Variants in TG observed in about 807,000 individuals in gnomAD.
The protein encoded by TG is thyroglobulin, also known as thyroid hormones.
TG carries 270 observed loss-of-function variants against 324.7 expected under a neutral mutation model. That is an observed-to-expected ratio of 0.83 (90% confidence interval 0.75 to 0.92). The LOEUF (loss-of-function observed/expected upper bound fraction) is 0.92, where lower values mean the gene tolerates loss of function less well. TG is among the 40% of genes least tolerant of loss of function. The probability of loss-of-function intolerance (pLI) is 0.00; values close to 1 mark genes in which losing one functional copy is unlikely to be tolerated. For missense variants in TG, 3,591 were observed against 3,456.4 expected (o/e 1.04, Z -0.98); for synonymous variants, 1,401 against 1,327.0 (o/e 1.06, Z -1.21).
chr8:132,881,842 G>A (rs778889026), intron 5 of TG, 21 bp from the exon 6 acceptor site: 44 of 1,554,452 alleles, frequency 2.8e-5, no homozygotes, highest in Non-Finnish European at 3.4e-5. Flanking sequence ...AATGGTGACC[G>A]TAAATCTCAT....
rs546509895 is a variant in TG, at chr8:132,912,448, C to T, written c.4160-599C>T. Among the ~76,000 whole-genome samples the T allele has an allele frequency of 4.1e-3, 618 of 152,190 alleles. 1 individual carries two copies. Among genetic ancestry groups the T allele is most frequent in the Non-Finnish European group, 6.7e-3 (453 of 68,020 alleles). ...ACAGCCAAAATGTTTGCTATGTGCA[C>T]GGATCTGCCCCAGCTCCTGGCATGG... On this transcript the variant is annotated intron_variant, in intron 19 of 47. Transcript: ENST00000220616.
intron 43 of TG, among the ~76,000 whole-genome samples, chr8:133,111,724 C>T (rs1237183318): frequency 6.6e-6 from 1 of 151,256 alleles, no homozygotes; most frequent in Non-Finnish European, 1.5e-5. Flanking sequence ...TATAAGATAA[C>T]TTTCTTACAT....
chr8:133,022,557 C>T (rs940542429), intron 40 of TG, among the ~76,000 whole-genome samples: 1 of 152,134 alleles, frequency 6.6e-6, no homozygotes, highest in Non-Finnish European at 1.5e-5. Context: ...GCTCTTCTGC[C>T]CACAGGGAAG....
intron 46 of TG, 125 bp from the exon 47 acceptor site, chr8:133,133,345 C>A: frequency 2.0e-6 from 2 of 991,066 alleles, no homozygotes; most frequent in Non-Finnish European, 3.2e-6. Context: ...AGTTCACATG[C>A]AGCCTTGACA....
Position 133,032,345 on chromosome 8 carries a change from C to T in TG, c.7239+2322C>T, listed in dbSNP as rs925785984. Reference sequence around the variant, plus strand: ...CTGGTGTTGAAAACAAACTATCCTGCGTTGAATTGATCCTGGAGAGATTTC... The same window carrying T: ...CTGGTGTTGAAAACAAACTATCCTGTGTTGAATTGATCCTGGAGAGATTTC... On this transcript the variant is annotated intron_variant, in intron 41 of 47. Transcript: ENST00000220616. 7.2e-5 allele frequency among the ~76,000 whole-genome samples: 11 copies of T among 152,178 alleles called. 1 individual carries two copies. Among genetic ancestry groups the T allele is most frequent in the East Asian group, 1.9e-4 (1 of 5,192 alleles).
rs2076739 is a variant in TG, at chr8:132,971,804, T to A, written c.5986T>A (p.Cys1996Ser). ...CTCTTCCTATGCCAGGTTCTTTGAA[T>A]GTGAACGACGGTGCGATGCGGACCC... ...EKSISNGFFE[C>S]ERRCDADPCC... The change falls in exon 33 of 48, where the codon TGT becomes AGT. Residue 1996 changes from cysteine to serine, a missense_variant. Cys to Ser is a moderately radical substitution (Grantham distance 112). Coordinates refer to ENST00000220616, the MANE Select transcript of TG (RefSeq NM_003235.5). The A allele has an allele frequency of 6.2e-7, 1 of 1,613,344 alleles. No homozygotes were observed. Among genetic ancestry groups the A allele is most frequent in the East Asian group, 2.2e-5 (1 of 44,872 alleles).
intron 40 of TG, among the ~76,000 whole-genome samples, chr8:133,028,564 G>T (rs947473533): frequency 6.6e-6 from 1 of 152,218 alleles, no homozygotes; most frequent in Non-Finnish European, 1.5e-5. Context: ...GACAAGCACG[G>T]TTCTGTTCCC....
At chr8:133,002,019 T>C in intron 35 of TG, 2 of 985,480 alleles carry the variant, frequency 2.0e-6, no homozygotes, top group Non-Finnish European at 2.4e-6. Context: ...CACTGTTTAT[T>C]TTTGATGAGT....
chr8:132,918,429 C>T (rs853307), intron 20 of TG, among the ~76,000 whole-genome samples: 62,440 of 152,014 alleles, frequency 0.41, 15,690 homozygotes, highest in Admixed American at 0.54. Context: ...ACTCCACTCT[C>T]GGAGGGAGGA....
Position 132,969,409 on chromosome 8 carries a change from G to A in TG, c.5864-49G>A, listed in dbSNP as rs558539736. 11 of 1,307,722 alleles carry A rather than the reference G, an allele frequency of 8.4e-6. 1 individual carries two copies. In the South Asian group the frequency reaches 1.3e-4, roughly 15 times the overall value. The allele number at this position is 1,307,722 out of a possible 1,614,324, so 81.0% of individuals were successfully genotyped here. A position where few individuals can be genotyped will look rare whatever the true frequency, so the allele number is the denominator to read the frequency against. On this transcript the variant is annotated intron_variant, in intron 31 of 47. Transcript: ENST00000220616. ...TACTCATTTGTCCTCATATTTTCAT[G>A]ACTACAGCAAATCTCTAAGTAATGT...
chr8:133,014,460 C>T (rs62515973), intron 37 of TG, among the ~76,000 whole-genome samples: 3 of 152,196 alleles, frequency 2.0e-5, no homozygotes, highest in African/African-American at 7.2e-5. Context: ...TCCCCTCCCC[C>T]ACTAGACATA....
At chr8:132,992,607 T>TG (rs1161033964) in intron 35 of TG, among the ~76,000 whole-genome samples, 6 of 152,194 alleles carry the variant, frequency 3.9e-5, no homozygotes, top group African/African-American at 1.4e-4. Context: ...ATATAGACAC[T>TG]GTGGAGGGTG....
intron 27 of TG, among the ~76,000 whole-genome samples, chr8:132,957,907 A>T (rs141849637): frequency 1.4e-4 from 21 of 152,158 alleles, no homozygotes; most frequent in African/African-American, 5.1e-4. Context: ...TGTCCACTGC[A>T]CCCTATTTGT....
intron 18 of TG, among the ~76,000 whole-genome samples, chr8:132,910,781 G>A (rs1253034584): frequency 6.6e-6 from 1 of 152,174 alleles, no homozygotes; most frequent in Non-Finnish European, 1.5e-5. Flanking sequence ...TCATCCAAAT[G>A]CACTAAGACA....
In TG at chr8:133,041,938, C is replaced by A. The variant is rs901096806; in HGVS notation, c.7239+11915C>A. On this transcript the variant is annotated intron_variant, in intron 41 of 47. Coordinates refer to ENST00000220616, the MANE Select transcript of TG (RefSeq NM_003235.5). ...GAGTAGCTGGGATTACAGTTGCATG[C>A]CACCACACCTGGCTAATTTTTTGTA... 2.0e-5 allele frequency among the ~76,000 whole-genome samples: 3 copies of A among 151,934 alleles called. No homozygotes were observed. The East Asian group carries it at 5.8e-4, about 29-fold the overall frequency.
At chr8:133,021,928 G>T (rs1455301834) in intron 39 of TG, 63 bp from the exon 40 acceptor site, 4 of 1,605,900 alleles carry the variant, frequency 2.5e-6, no homozygotes, top group Non-Finnish European at 3.4e-6. Context: ...CAAGAATCAG[G>T]CTCCAAGCAT....
At chr8:133,022,284 T>G in intron 40 of TG, 134 bp downstream of exon 40, 1 of 1,178,904 alleles carries the variant, frequency 8.5e-7, no homozygotes, top group South Asian at 1.2e-5. Context: ...TTTTAGCACA[T>G]ATGGGAGACC....
In TG at chr8:132,893,786, T is replaced by C; in HGVS notation, c.2858T>C (p.Leu953Pro). Residue 953 changes from leucine (L) to proline (P), a missense_variant, in exon 11 of 48, where the codon CTG becomes CCG. Coordinates refer to ENST00000220616, the MANE Select transcript of TG (RefSeq NM_003235.5). ...VSASNSSRFPLGESFLVAKGI... is the reference protein window; with the variant it reads ...VSASNSSRFPPGESFLVAKGI... Reference sequence around the variant, plus strand: ...GCTTCCAACAGTTCTCGGTTCCCTCTGGGGGAGAGTTTCCTGGTGGCCAAG... The same window carrying C: ...GCTTCCAACAGTTCTCGGTTCCCTCCGGGGGAGAGTTTCCTGGTGGCCAAG... The C allele has an allele frequency of 6.2e-7, 1 of 1,613,996 alleles. No individual in the cohort carries two copies.
rs968457241 is a variant in TG at position 133,013,672 on chromosome 8, A to T, written c.6470A>T (p.Tyr2157Phe). 1 of 1,614,194 alleles carries T rather than the reference A, an allele frequency of 6.2e-7. No individual in the cohort carries two copies. The highest frequency in any genetic ancestry group is 8.5e-7 in the Non-Finnish European group (1 of 1,180,044). The change falls in exon 37 of 48, where the codon TAT becomes TTT. Residue 2157 changes from tyrosine (Y) to phenylalanine (F), a missense_variant. By Grantham distance (22) the Tyr-to-Phe change is conservative (BLOSUM62 3). Coordinates refer to ENST00000220616, the MANE Select transcript of TG (RefSeq NM_003235.5). Reference protein sequence around the residue: ...TQPGAVRCMFYADTQSCTHSL... With the variant: ...TQPGAVRCMFFADTQSCTHSL... ...CCTGGGGCTGTGAGATGTATGTTCTATGCTGATACTCAAAGCTGCACACAT... is the reference window on the plus strand; with the variant it reads ...CCTGGGGCTGTGAGATGTATGTTCTTTGCTGATACTCAAAGCTGCACACAT...
Sources: allele counts gnomAD v4.1 joint callset (sites outside exome capture counted in the v4.1 genomes callset), GRCh38; gene constraint gnomAD v4.1.1; transcripts MANE v1.5; gene names NCBI Gene and HGNC (gene_info 2026-07-23, HGNC 2026-07-21).